The following PTPRD variants were observed in gnomAD, a reference collection of about 807,000 sequenced individuals.
PTPRD encodes protein tyrosine phosphatase receptor type D.
PTPRD carries 34 observed loss-of-function variants against 214.5 expected under a neutral mutation model. The observed-to-expected ratio is 0.16, with a 90% CI of 0.12 to 0.21. The LOEUF is 0.21. PTPRD is among the 10% of genes least tolerant of loss of function. PTPRD has a pLI of 1.00. For synonymous variants in PTPRD, 1,128 were observed against 845.7 expected (o/e 1.33, Z -5.79); for missense variants, 2,545 against 2,398.7 (o/e 1.06, Z -1.27).
At chr9:10,551,081 C>T (rs543517942) in intron 2 of PTPRD, among the ~76,000 whole-genome samples, 38 of 152,248 alleles carry the variant, frequency 2.5e-4, no homozygotes, top group African/African-American at 7.7e-4. Flanking sequence ...TGCCTGTAAT[C>T]GCAGTCCTTT....
At chr9:8,935,756 C>T (rs1415825345) in intron 11 of PTPRD, among the ~76,000 whole-genome samples, 1 of 152,176 alleles carries the variant, frequency 6.6e-6, no homozygotes, top group Admixed American at 6.5e-5. Flanking sequence ...TTTCAAAAGG[C>T]CTTCCAAAGA....
intron 3 of PTPRD, among the ~76,000 whole-genome samples, chr9:10,338,064 T>A (rs1480215406): frequency 6.6e-6 from 1 of 151,666 alleles, no homozygotes; most frequent in East Asian, 1.9e-4. Flanking sequence ...TTTATTCATA[T>A]CATATGAGCT....
chr9:9,112,713 A>C (rs2099807766), intron 10 of PTPRD, among the ~76,000 whole-genome samples: 1 of 152,172 alleles, frequency 6.6e-6, no homozygotes, highest in African/African-American at 2.4e-5. Flanking sequence ...GCAGGCTTAA[A>C]ATCACATAGA....
At chr9:9,676,790 G>GT (rs2096939966) in intron 7 of PTPRD, among the ~76,000 whole-genome samples, 1 of 152,040 alleles carries the variant, frequency 6.6e-6, no homozygotes, top group African/African-American at 2.4e-5. Flanking sequence ...AGCACCTGTT[G>GT]TTTCCTGACT....
At chr9:9,814,076 G>C (rs1269326972) in intron 5 of PTPRD, among the ~76,000 whole-genome samples, 2 of 152,018 alleles carry the variant, frequency 1.3e-5, no homozygotes, top group African/African-American at 2.4e-5. Flanking sequence ...TGCAGAAAAT[G>C]AATTTGATAA....
At chr9:9,691,497 T>C (rs1167837477) in intron 7 of PTPRD, among the ~76,000 whole-genome samples, 10 of 152,060 alleles carry the variant, frequency 6.6e-5, no homozygotes, top group Non-Finnish European at 2.9e-5. Flanking sequence ...AGTACTCCAT[T>C]GTGTGGAAGT....
chr9:9,326,731 A>G (rs1025010138), intron 9 of PTPRD, among the ~76,000 whole-genome samples: 1 of 152,144 alleles, frequency 6.6e-6, no homozygotes, highest in Non-Finnish European at 1.5e-5. Flanking sequence ...TGAAGGTAGA[A>G]GAATCTCAAA....
At chr9:10,171,205 T>C (rs1209430979) in intron 3 of PTPRD, among the ~76,000 whole-genome samples, 1 of 152,208 alleles carries the variant, frequency 6.6e-6, no homozygotes, top group Non-Finnish European at 1.5e-5. Context: ...TACCCATTGA[T>C]ATGGTTTGGC....
At chr9:8,823,796 T>A (rs2097123690) in intron 11 of PTPRD, among the ~76,000 whole-genome samples, 1 of 152,168 alleles carries the variant, frequency 6.6e-6, no homozygotes, top group South Asian at 2.1e-4. Flanking sequence ...CGAGAAAAGA[T>A]TAACGGTGAG....
chr9:10,120,518 T>C (rs975827552), intron 3 of PTPRD, among the ~76,000 whole-genome samples: 7 of 151,982 alleles, frequency 4.6e-5, no homozygotes, highest in Non-Finnish European at 8.8e-5. Flanking sequence ...TTAAACTAAA[T>C]TGTCAATCAT....
intron 33 of PTPRD, 104 bp from the exon 34 acceptor site, chr9:8,449,941 G>A: frequency 8.8e-7 from 1 of 1,137,352 alleles, no homozygotes; most frequent in African/African-American, 1.5e-5. Context: ...CAAGTTTTCA[G>A]TTTTACAACT....
chr9:9,984,164 T>A (rs550632126), intron 4 of PTPRD, among the ~76,000 whole-genome samples: 1 of 152,170 alleles, frequency 6.6e-6, no homozygotes, highest in South Asian at 2.1e-4. Context: ...CATTCATTAA[T>A]AATTAAACTG....
chr9:9,692,120 TA>T (rs1305978199), intron 7 of PTPRD, among the ~76,000 whole-genome samples: 3 of 151,466 alleles, frequency 2.0e-5, no homozygotes, highest in Non-Finnish European at 4.4e-5. Context: ...AAGAAGATTT[TA>T]AACTTGATGT....
At chr9:10,593,143 A>T (rs2075888463) in intron 2 of PTPRD, among the ~76,000 whole-genome samples, 1 of 151,986 alleles carries the variant, frequency 6.6e-6, no homozygotes, top group African/African-American at 2.4e-5. Flanking sequence ...TGAAAAGTGG[A>T]GCAAATAAGA....
At chr9:10,151,912 A>G (rs1231791814) in intron 3 of PTPRD, among the ~76,000 whole-genome samples, 1 of 152,210 alleles carries the variant, frequency 6.6e-6, no homozygotes. Context: ...ATCCTATGCT[A>G]TGGATATACC....
intron 3 of PTPRD, among the ~76,000 whole-genome samples, chr9:10,222,052 G>A (rs1006459889): frequency 1.3e-5 from 2 of 151,976 alleles, no homozygotes; most frequent in Non-Finnish European, 2.9e-5. Context: ...TCAGGTTACA[G>A]AAGTGTAAAT....
chr9:10,595,246 G>C (rs1162985116), intron 2 of PTPRD, among the ~76,000 whole-genome samples: 1 of 151,700 alleles, frequency 6.6e-6, no homozygotes, highest in African/African-American at 2.4e-5. Flanking sequence ...AATTTTTTTA[G>C]TGTTAATTGC....
intron 9 of PTPRD, among the ~76,000 whole-genome samples, chr9:9,357,368 T>C (rs2054198175): frequency 6.6e-6 from 1 of 151,406 alleles, no homozygotes; most frequent in South Asian, 2.1e-4. Context: ...TAATTCATTT[T>C]ACCAATTTTT....
At chr9:8,526,694 T>C in intron 16 of PTPRD, 50 bp from the exon 17 acceptor site, 3 of 1,507,752 alleles carry the variant, frequency 2.0e-6, no homozygotes, top group Non-Finnish European at 2.7e-6. Flanking sequence ...GAAGCATTAG[T>C]ACGAGAAGAA....
Sources: allele counts gnomAD v4.1 joint callset (sites outside exome capture counted in the v4.1 genomes callset), GRCh38; gene constraint gnomAD v4.1.1; transcripts MANE v1.5; gene names NCBI Gene and HGNC (gene_info 2026-07-23, HGNC 2026-07-21).